NFASC: variants seen among roughly 807,000 people sequenced by gnomAD.
NFASC encodes the protein neurofascin, also known as neurofascin homolog.
NFASC carries 43 observed loss-of-function variants against 147.5 expected under a neutral mutation model. That is an observed-to-expected ratio of 0.29 (90% CI 0.23 to 0.38). The LOEUF is 0.38. Among genes scored for constraint, NFASC ranks in the 10% least tolerant of loss-of-function variants. The pLI is 1.00. For missense variants in NFASC, 1,320 were observed against 1,689.0 expected (o/e 0.78, Z 3.83); for synonymous variants, 622 against 665.5 (o/e 0.93, Z 1.01).
In NFASC at chr1:205,010,013, AATCTCATTAGG is replaced by A. The variant is rs1160081207; in HGVS notation, c.3421+329_3421+339del. 1 of 303,196 alleles carries A rather than the reference AATCTCATTAGG, an allele frequency of 3.3e-6. No individual in the cohort carries two copies. The highest frequency in any genetic ancestry group is 2.1e-5 in the African/African-American group (1 of 47,378). The allele number at this position is 303,196 out of a possible 1,614,324, so 18.8% of individuals were successfully genotyped here. On this transcript the variant is annotated intron_variant, in intron 28 of 29. Transcript: ENST00000339876. The surrounding 1 kb of genome is among the most constrained non-coding windows in gnomAD (Gnocchi z 4.1). The stretch of plus-strand genomic sequence containing the variant: ...TATAAATTGGCTTTTTTTCAGCCTG[AATCTCATTAGG>A]ATCCTGTGTCCCAGGGAAGGAGAAA...
At chr1:204,939,741 G>A (rs61817569) in intron 2 of NFASC, among the ~76,000 whole-genome samples, 4,049 of 152,380 alleles carry the variant, frequency 0.027, 141 homozygotes, top group African/African-American at 0.077. Context: ...TGAATGGGAA[G>A]TGTGGACTTG....
intron 24 of NFASC, among the ~76,000 whole-genome samples, chr1:204,996,832 T>A (rs1272354879): frequency 3.9e-5 from 6 of 152,162 alleles, no homozygotes; most frequent in Non-Finnish European, 5.9e-5. Flanking sequence ...GTGTTTGGCC[T>A]GGGGCTCCAT....
intron 27 of NFASC, 142 bp downstream of exon 27, chr1:205,002,890 T>C: frequency 1.1e-5 from 7 of 609,968 alleles, no homozygotes; most frequent in Non-Finnish European, 1.7e-5. Context: ...TCTCAGCTCT[T>C]ATTATGTATC....
chr1:204,860,930 TACTC>T (rs1270197905), intron 1 of NFASC, among the ~76,000 whole-genome samples: 1 of 152,170 alleles, frequency 6.6e-6, no homozygotes, highest in Admixed American at 6.5e-5. Context: ...GGCTGAATAA[TACTC>T]AATTATCTAT....
intron 1 of NFASC, among the ~76,000 whole-genome samples, chr1:204,889,102 G>A (rs773392922): frequency 6.6e-6 from 1 of 152,242 alleles, no homozygotes; most frequent in African/African-American, 2.4e-5. Context: ...TTGTTGATTC[G>A]AGGTTTCTGC....
At chr1:204,890,867 G>A (rs2082255348) in intron 1 of NFASC, among the ~76,000 whole-genome samples, 2 of 151,638 alleles carry the variant, frequency 1.3e-5, no homozygotes. Flanking sequence ...ACCGCACCTG[G>A]CCAGGGAGGC....
Position 205,016,827 on chromosome 1 carries a change from T to C in NFASC, c.*288T>C. The C allele has an allele frequency of 2.0e-6, 1 of 500,634 alleles. No individual in the cohort carries two copies. Among genetic ancestry groups the C allele is most frequent in the East Asian group, 3.9e-5 (1 of 25,914 alleles). 31.0% of individuals were successfully genotyped at this position (500,634 alleles called of 1,614,324 possible). A position where few individuals can be genotyped will look rare whatever the true frequency, so the allele number is the denominator to read the frequency against. ...CCCGGTCTCGCAGCCACCCCGAGCG[T>C]TCCACCACACTGTCCGCCCTTGGCC... is the stretch of plus-strand genomic sequence containing the variant. On this transcript the variant is annotated 3_prime_UTR_variant, in exon 30 of 30. Coordinates refer to ENST00000339876, the MANE Select transcript of NFASC (RefSeq NM_001005388.3). The surrounding 1 kb of genome is among the most constrained non-coding windows in gnomAD (Gnocchi z 5.1).
Position 204,982,478 on chromosome 1 carries a change from C to T in NFASC, c.2470+458C>T, listed in dbSNP as rs985227163. Among the ~76,000 whole-genome samples, 4 of 152,322 alleles carry T rather than the reference C, an allele frequency of 2.6e-5. No individual in the cohort carries two copies. In the East Asian group the frequency reaches 5.8e-4, roughly 22 times the overall value. On this transcript the variant is annotated intron_variant, in intron 21 of 29. Transcript: ENST00000339876. ...CAGGGCAGCTGGCCAGAGGTTCCCC[C>T]GGGGAAGCCTTGAGGGATCAGGAGG...
At chr1:205,014,158 C>G (rs192994819) in intron 29 of NFASC, among the ~76,000 whole-genome samples, 1 of 152,188 alleles carries the variant, frequency 6.6e-6, no homozygotes, top group Non-Finnish European at 1.5e-5. Flanking sequence ...GCCTGTACTG[C>G]GAGGAGTTGC....
intron 2 of NFASC, among the ~76,000 whole-genome samples, chr1:204,926,693 C>T (rs943556443): frequency 2.6e-5 from 4 of 151,102 alleles, no homozygotes; most frequent in African/African-American, 7.3e-5. Flanking sequence ...GGATTACAGG[C>T]GTGAGCCACA....
intron 1 of NFASC, among the ~76,000 whole-genome samples, chr1:204,855,315 C>A (rs1020122196): frequency 2.0e-5 from 3 of 152,164 alleles, no homozygotes; most frequent in African/African-American, 7.2e-5. Flanking sequence ...AACTGGGAAC[C>A]AAGAGACAGC....
At chr1:204,874,531 G>A (rs112534904) in intron 1 of NFASC, among the ~76,000 whole-genome samples, 2,838 of 152,236 alleles carry the variant, frequency 0.019, 86 homozygotes, top group Admixed American at 0.061. Flanking sequence ...CCAGGGCCCT[G>A]CCCCCGGTTC....
At chr1:204,966,334 G>C (rs767793122) in intron 8 of NFASC, among the ~76,000 whole-genome samples, 5 of 152,200 alleles carry the variant, frequency 3.3e-5, no homozygotes, top group Non-Finnish European at 5.9e-5. Context: ...TAGGGTCACA[G>C]ATTGGTTTCT....
In NFASC at chr1:204,925,371, C is replaced by T. The variant is rs190413876; in HGVS notation, c.-91+4631C>T. Among the ~76,000 whole-genome samples the T allele has an allele frequency of 1.6e-4, 24 of 152,280 alleles. No homozygotes were observed. In the East Asian group the frequency reaches 4.0e-3, roughly 26 times the overall value. On this transcript the variant is annotated intron_variant, in intron 2 of 29. Transcript: ENST00000339876. Reference sequence around the variant, plus strand: ...TAAATGGCTAGGTGGGAGGGAAACTCAGGTGTGTGTGGCTGCAAGTCACAT... The same window carrying T: ...TAAATGGCTAGGTGGGAGGGAAACTTAGGTGTGTGTGGCTGCAAGTCACAT...
intron 4 of NFASC, 99 bp from the exon 5 acceptor site, chr1:204,951,912 C>A: frequency 1.1e-6 from 1 of 895,742 alleles, no homozygotes; most frequent in Non-Finnish European, 1.8e-6. Flanking sequence ...TGCCTGCTTG[C>A]ATGTGTGGCT....
intron 24 of NFASC, among the ~76,000 whole-genome samples, chr1:204,994,476 A>AGT (rs1429175625): frequency 6.6e-6 from 1 of 151,872 alleles, no homozygotes; most frequent in Admixed American, 6.6e-5. Context: ...TTGGGGTATG[A>AGT]GTGTGTGTGT....
At chr1:205,009,400 T>G (rs2096206848) in intron 27 of NFASC, 157 bp from the exon 28 acceptor site, 1 of 813,980 alleles carries the variant, frequency 1.2e-6, no homozygotes, top group Admixed American at 1.7e-5. Context: ...TTTTTGTCCT[T>G]TAGCAGGGTA....
At chr1:204,915,147 G>C (rs1221251399) in intron 1 of NFASC, among the ~76,000 whole-genome samples, 2 of 152,172 alleles carry the variant, frequency 1.3e-5, no homozygotes, top group African/African-American at 2.4e-5. Context: ...GGGCGTGGTG[G>C]TGGGTGCCTG....
intron 1 of NFASC, among the ~76,000 whole-genome samples, chr1:204,897,218 T>TCTC (rs2083548977): frequency 6.6e-6 from 1 of 152,110 alleles, no homozygotes; most frequent in African/African-American, 2.4e-5. Flanking sequence ...TCTGAGGAAG[T>TCTC]GACTTTTAAG....
Sources: allele counts gnomAD v4.1 joint callset (sites outside exome capture counted in the v4.1 genomes callset), GRCh38; gene constraint gnomAD v4.1.1; non-coding constraint Gnocchi (gnomAD v3.1); transcripts MANE v1.5; gene names NCBI Gene and HGNC (gene_info 2026-07-23, HGNC 2026-07-21).